The following SPIDR variants were observed in gnomAD, a reference collection of about 807,000 sequenced individuals.
The protein encoded by SPIDR is scaffold protein involved in DNA repair.
In SPIDR, 93 loss-of-function variants were observed where a neutral mutation model predicts 104.6. The observed-to-expected ratio is 0.89, with a 90% CI of 0.75 to 1.06. The LOEUF (loss-of-function observed/expected upper bound fraction) is 1.06. SPIDR is among the 50% of genes least tolerant of loss of function. SPIDR has a pLI of 0.00. For missense variants in SPIDR, 1,154 were observed against 1,111.2 expected (o/e 1.04, Z -0.55); for synonymous variants, 431 against 416.9 (o/e 1.03, Z -0.41).
chr8:47,420,612 A>AAGTTAGCC (rs1238944079), intron 7 of SPIDR, among the ~76,000 whole-genome samples: 2 of 152,182 alleles, frequency 1.3e-5, no homozygotes, highest in African/African-American at 4.8e-5. Flanking sequence ...TAGCCCATTT[A>AAGTTAGCC]CATTTAAAGT....
At chr8:47,618,449 A>G (rs538880285) in intron 10 of SPIDR, among the ~76,000 whole-genome samples, 110 of 152,342 alleles carry the variant, frequency 7.2e-4, no homozygotes, top group Non-Finnish European at 1.4e-3. Flanking sequence ...TAAACATTCT[A>G]TAAATTTTAG....
At chr8:47,545,159 C>T (rs2089126935) in intron 8 of SPIDR, among the ~76,000 whole-genome samples, 1 of 141,194 alleles carries the variant, frequency 7.1e-6, no homozygotes, top group South Asian at 2.2e-4. Context: ...CTCACTGTCT[C>T]GCCCAGGCTG....
intron 8 of SPIDR, among the ~76,000 whole-genome samples, chr8:47,554,499 A>G (rs1373025478): frequency 6.6e-6 from 1 of 152,110 alleles, no homozygotes; most frequent in Non-Finnish European, 1.5e-5. Context: ...TCGATCTCAG[A>G]CTGCTGTGCT....
At chr8:47,634,207 C>A (rs2067526066) in intron 10 of SPIDR, among the ~76,000 whole-genome samples, 1 of 151,998 alleles carries the variant, frequency 6.6e-6, no homozygotes, top group Non-Finnish European at 1.5e-5. Flanking sequence ...GTAATCCCAG[C>A]ACTTTGGGAG....
At chr8:47,515,508 C>A (rs1173099846) in intron 8 of SPIDR, among the ~76,000 whole-genome samples, 1 of 152,100 alleles carries the variant, frequency 6.6e-6, no homozygotes, top group Non-Finnish European at 1.5e-5. Context: ...GCCACTGTCC[C>A]CAAGGATCCT....
chr8:47,630,303 TA>T (rs1253688525), intron 10 of SPIDR, among the ~76,000 whole-genome samples: 1 of 152,190 alleles, frequency 6.6e-6, no homozygotes, highest in East Asian at 1.9e-4. Flanking sequence ...AAGCAATATT[TA>T]ATGTAAACGT....
At chr8:47,388,300 G>T (rs542156184) in intron 5 of SPIDR, 75 of 153,454 alleles carry the variant, frequency 4.9e-4, no homozygotes, top group Non-Finnish European at 9.3e-4. Flanking sequence ...TACATGGTGT[G>T]TACTGAATAA....
At chr8:47,294,918 C>T (rs1490979405) in intron 5 of SPIDR, among the ~76,000 whole-genome samples, 2 of 152,020 alleles carry the variant, frequency 1.3e-5, no homozygotes, top group African/African-American at 4.8e-5. Flanking sequence ...CTTTTCGTTT[C>T]CTCCTGTGAC....
At chr8:47,428,090 T>C (rs557062708) in intron 7 of SPIDR, among the ~76,000 whole-genome samples, 2 of 152,304 alleles carry the variant, frequency 1.3e-5, no homozygotes, top group South Asian at 4.1e-4. Context: ...GCCTGGCTAA[T>C]TTTTGTATTT....
At chr8:47,550,884 A>G (rs1338141898) in intron 8 of SPIDR, among the ~76,000 whole-genome samples, 1 of 152,188 alleles carries the variant, frequency 6.6e-6, no homozygotes, top group East Asian at 1.9e-4. Flanking sequence ...TTGCCCATTC[A>G]GTATGATATT....
At chr8:47,706,177 G>C (rs1313988904) in intron 14 of SPIDR, among the ~76,000 whole-genome samples, 1 of 152,092 alleles carries the variant, frequency 6.6e-6, no homozygotes, top group Admixed American at 6.5e-5. Context: ...TGGATCACAA[G>C]GTCAGGAGAT....
At chr8:47,278,032 C>T (rs1027084257) in intron 1 of SPIDR, among the ~76,000 whole-genome samples, 2 of 151,966 alleles carry the variant, frequency 1.3e-5, no homozygotes, top group Non-Finnish European at 2.9e-5. Context: ...TTTACTTTTC[C>T]ACCAGCCATG....
intron 10 of SPIDR, among the ~76,000 whole-genome samples, chr8:47,615,712 T>C (rs951450480): frequency 3.9e-5 from 6 of 152,114 alleles, no homozygotes; most frequent in African/African-American, 1.4e-4. Context: ...TTTCGCCGTA[T>C]TGGCCAGGCT....
intron 11 of SPIDR, chr8:47,688,421 CG>C (rs2078141338): frequency 1.3e-5 from 2 of 152,330 alleles, no homozygotes; most frequent in African/African-American, 2.4e-5. Flanking sequence ...CACGCCCGGC[CG>C]TGTTTTGCTT....
intron 5 of SPIDR, among the ~76,000 whole-genome samples, chr8:47,309,423 T>C (rs2043716290): frequency 6.6e-6 from 1 of 152,230 alleles, no homozygotes; most frequent in South Asian, 2.1e-4. Flanking sequence ...TTATTCTCTT[T>C]ATGAAAGTGA....
At chr8:47,477,642 T>A (rs1554724464) in intron 8 of SPIDR, among the ~76,000 whole-genome samples, 1 of 152,250 alleles carries the variant, frequency 6.6e-6, no homozygotes, top group Non-Finnish European at 1.5e-5. Context: ...AAGCTACTGC[T>A]CAATAAATGA....
In SPIDR at chr8:47,405,858, C is replaced by T. The variant is rs187310672; in HGVS notation, c.777-2003C>T. Among the ~76,000 whole-genome samples the T allele has an allele frequency of 2.3e-4, 35 of 152,296 alleles. No individual in the cohort carries two copies. In the East Asian group the frequency reaches 5.0e-3, roughly 22 times the overall value. On this transcript the variant is annotated intron_variant, in intron 6 of 19. Coordinates refer to ENST00000297423, the MANE Select transcript of SPIDR (RefSeq NM_001080394.4). ...ATTAGAGGACATGGTGTTTCCTAAG[C>T]TCAAGTTCTTAAGTTCAAGTGCATG...
chr8:47,331,091 C>G (rs1433259859), intron 5 of SPIDR, among the ~76,000 whole-genome samples: 1 of 152,148 alleles, frequency 6.6e-6, no homozygotes, highest in Non-Finnish European at 1.5e-5. Flanking sequence ...TTGCATTTCT[C>G]TGGTAATATA....
rs150595446 is a variant in SPIDR, at chr8:47,491,310, T to C, written c.1097+50768T>C. On this transcript the variant is annotated intron_variant, in intron 8 of 19. Transcript: ENST00000297423. Reference sequence around the variant, plus strand: ...ATATTTTTATGTTTCTGTCAGTATATGGAATTTTTCTTAAAGGCGGTCAAT... The same window carrying C: ...ATATTTTTATGTTTCTGTCAGTATACGGAATTTTTCTTAAAGGCGGTCAAT... Among the ~76,000 whole-genome samples, 45 of 152,236 alleles carry C rather than the reference T, an allele frequency of 3.0e-4. No individual in the cohort carries two copies. The East Asian group carries it at 7.5e-3, about 25-fold the overall frequency.
Sources: allele counts gnomAD v4.1 joint callset (sites outside exome capture counted in the v4.1 genomes callset), GRCh38; gene constraint gnomAD v4.1.1; transcripts MANE v1.5; gene names NCBI Gene and HGNC (gene_info 2026-07-23, HGNC 2026-07-21).